The following GIGYF2 variants were observed in gnomAD, a reference collection of about 807,000 sequenced individuals.
GIGYF2 encodes GRB10 interacting GYF protein 2.
GIGYF2 carries 25 observed loss-of-function variants against 208.1 expected under a neutral mutation model. That is an observed-to-expected ratio of 0.12 (90% confidence interval 0.09 to 0.17). The LOEUF (loss-of-function observed/expected upper bound fraction) is 0.17, where lower values mean the gene tolerates loss of function less well. Among genes scored for constraint, GIGYF2 ranks in the 10% least tolerant of loss-of-function variants. GIGYF2 has a pLI of 1.00. For synonymous variants in GIGYF2, 534 were observed against 543.8 expected (o/e 0.98, Z 0.25); for missense variants, 1,302 against 1,579.4 (o/e 0.82, Z 2.98).
intron 3 of GIGYF2, chr2:232,735,944 A>G (rs1202981950): frequency 6.1e-6 from 6 of 984,088 alleles, no homozygotes; most frequent in Non-Finnish European, 7.2e-6. Flanking sequence ...CCCCTTTGGT[A>G]ATATCAGAAG....
At position 232,819,991 on chromosome 2, in the gene GIGYF2, C is replaced by T. The variant is rs762986316; in HGVS notation, c.2529+6C>T. ...AAGAATTGTTACGCAAACAGGTGAC[C>T]AGATGGTTTTGTCTTCTAATTGTTC... is the stretch of plus-strand genomic sequence containing the variant. On this transcript the variant is annotated splice_donor_region_variant and intron_variant, in intron 21 of 28. Transcript: ENST00000373563. 3.1e-6 allele frequency: 5 copies of T among 1,612,828 alleles called. No homozygotes were observed. Among genetic ancestry groups the T allele is most frequent in the Non-Finnish European group, 8.5e-7 (1 of 1,179,158 alleles).
At chr2:232,723,374 G>A (rs1172245233) in intron 2 of GIGYF2, among the ~76,000 whole-genome samples, 3 of 151,850 alleles carry the variant, frequency 2.0e-5, no homozygotes, top group African/African-American at 7.3e-5. Context: ...ATAAAAAAAT[G>A]GAAATTTTCT....
chr2:232,760,469 CT>C lies in GIGYF2; in HGVS notation c.380-9del. On this transcript the variant is annotated splice_polypyrimidine_tract_variant and intron_variant, in intron 6 of 28. Coordinates refer to ENST00000373563, the MANE Select transcript of GIGYF2 (RefSeq NM_001103146.3). Reference sequence around the variant, plus strand: ...TCTGACTATCATTTTTTTCTGTTTTCTTATTTTCAGGCAGAGGCAGAGGTGA... The same window carrying C: ...TCTGACTATCATTTTTTTCTGTTTTCTATTTTCAGGCAGAGGCAGAGGTGA... 6.3e-7 allele frequency: 1 copy of C among 1,578,498 alleles called. No homozygotes were observed. The highest frequency in any genetic ancestry group is 8.7e-7 in the Non-Finnish European group (1 of 1,147,976).
At chr2:232,854,371 T>G (rs1690471376) in intron 28 of GIGYF2, among the ~76,000 whole-genome samples, 1 of 152,162 alleles carries the variant, frequency 6.6e-6, no homozygotes, top group Non-Finnish European at 1.5e-5. Context: ...CACCCGCTTA[T>G]AGTCCCAGCT....
intron 1 of GIGYF2, among the ~76,000 whole-genome samples, chr2:232,701,887 G>T (rs1463471001): frequency 6.6e-6 from 1 of 152,124 alleles, no homozygotes; most frequent in African/African-American, 2.4e-5. Context: ...CTCTTCTTTG[G>T]CTGGGTGCAG....
chr2:232,827,180 C>A (rs960528397), intron 21 of GIGYF2, among the ~76,000 whole-genome samples: 2 of 152,080 alleles, frequency 1.3e-5, no homozygotes, highest in African/African-American at 2.4e-5. Context: ...AATCCTAGGG[C>A]CCTCGGGATT....
intron 5 of GIGYF2, among the ~76,000 whole-genome samples, chr2:232,755,288 A>C (rs1698491094): frequency 6.6e-6 from 1 of 152,102 alleles, no homozygotes; most frequent in Non-Finnish European, 1.5e-5. Context: ...CGCCTGCCTC[A>C]GCCTCCCAAG....
intron 18 of GIGYF2, among the ~76,000 whole-genome samples, chr2:232,813,881 A>ATTTTT (rs397871962): frequency 9.5e-5 from 7 of 73,542 alleles, no homozygotes; most frequent in Admixed American, 4.9e-4. Flanking sequence ...TCACAAGTGG[A>ATTTTT]TTTTTTTTTT....
At chr2:232,739,937 TAAA>T (rs34661108) in intron 3 of GIGYF2, among the ~76,000 whole-genome samples, 6 of 111,652 alleles carry the variant, frequency 5.4e-5, no homozygotes, top group Non-Finnish European at 5.4e-5. Flanking sequence ...CCATCTCTGC[TAAA>T]AAAAAAAAAA....
At chr2:232,812,597 G>GA in intron 18 of GIGYF2, 106 bp downstream of exon 18, 1 of 665,680 alleles carries the variant, frequency 1.5e-6, no homozygotes, top group South Asian at 1.6e-5. Context: ...AATCCATTTT[G>GA]TATTTGATAT....
intron 2 of GIGYF2, among the ~76,000 whole-genome samples, chr2:232,717,508 G>C (rs1421812297): frequency 6.6e-6 from 1 of 152,032 alleles, no homozygotes; most frequent in Non-Finnish European, 1.5e-5. Context: ...CTCTTCCCAT[G>C]ATGAGTACTT....
rs139679950 is a variant in GIGYF2, at chr2:232,837,340, G to A, written c.2767-2509G>A. ...TCTCATTAAGCTGGGAGGAGAGAAG[G>A]AGAGTAGGTCTTGGTTTAAGTATCA... is the stretch of plus-strand genomic sequence containing the variant. On this transcript the variant is annotated intron_variant, in intron 22 of 28. Coordinates refer to ENST00000373563, the MANE Select transcript of GIGYF2 (RefSeq NM_001103146.3). Among the ~76,000 whole-genome samples, 6 of 152,332 alleles carry A rather than the reference G, an allele frequency of 3.9e-5. No individual in the cohort carries two copies. The East Asian group carries it at 9.6e-4, about 24-fold the overall frequency.
intron 25 of GIGYF2, among the ~76,000 whole-genome samples, chr2:232,845,490 G>C (rs1466975050): frequency 6.6e-6 from 1 of 152,190 alleles, no homozygotes; most frequent in African/African-American, 2.4e-5. Flanking sequence ...CACGTAGGAA[G>C]AATTTCATCA....
intron 5 of GIGYF2, among the ~76,000 whole-genome samples, chr2:232,750,423 C>T (rs1001769092): frequency 6.6e-6 from 1 of 152,066 alleles, no homozygotes; most frequent in Admixed American, 6.5e-5. Flanking sequence ...TCCCAGAGGC[C>T]GCAAGTGTTA....
At chr2:232,790,194 T>G (rs545638449) in intron 9 of GIGYF2, among the ~76,000 whole-genome samples, 1 of 152,290 alleles carries the variant, frequency 6.6e-6, no homozygotes, top group South Asian at 2.1e-4. Context: ...AACCTGGCAT[T>G]AATAAATAGT....
intron 2 of GIGYF2, among the ~76,000 whole-genome samples, chr2:232,709,709 T>A (rs1574772466): frequency 6.6e-6 from 1 of 151,758 alleles, no homozygotes; most frequent in Non-Finnish European, 1.5e-5. Flanking sequence ...CTTGGGAGGC[T>A]GAGGCAGGAG....
At chr2:232,721,144 GTT>G in intron 2 of GIGYF2, among the ~76,000 whole-genome samples, 1 of 152,264 alleles carries the variant, frequency 6.6e-6, no homozygotes, top group South Asian at 2.1e-4. Flanking sequence ...TTCCTCAAAG[GTT>G]TGAGTGCCCC....
chr2:232,829,533 G>C (rs2106405708), intron 21 of GIGYF2, among the ~76,000 whole-genome samples: 1 of 152,306 alleles, frequency 6.6e-6, no homozygotes, highest in Non-Finnish European at 1.5e-5. Flanking sequence ...TCCACTCATG[G>C]TAGAGCAGCA....
chr2:232,783,904 T>G (rs1158915519), intron 8 of GIGYF2, among the ~76,000 whole-genome samples: 1 of 152,152 alleles, frequency 6.6e-6, no homozygotes, highest in African/African-American at 2.4e-5. Flanking sequence ...GTTAGGCTGG[T>G]CTCGAACTTC....
Sources: allele counts gnomAD v4.1 joint callset (sites outside exome capture counted in the v4.1 genomes callset), GRCh38; gene constraint gnomAD v4.1.1; transcripts MANE v1.5; gene names NCBI Gene and HGNC (gene_info 2026-07-23, HGNC 2026-07-21).